The following STK32C variants were observed in gnomAD, a reference collection of about 807,000 sequenced individuals.
STK32C encodes serine/threonine-protein kinase 32C.
In STK32C, 31 loss-of-function variants were observed where a neutral mutation model predicts 56.5. The observed-to-expected ratio is 0.55, with a 90% CI of 0.41 to 0.74. The LOEUF (loss-of-function observed/expected upper bound fraction) is 0.74. Among genes scored for constraint, STK32C ranks in the 30% least tolerant of loss-of-function variants. The probability of loss-of-function intolerance (pLI) is 0.00; values close to 1 mark genes in which losing one functional copy is unlikely to be tolerated. For missense variants in STK32C, 544 were observed against 676.9 expected, an observed-to-expected ratio of 0.80 and a Z score of 2.18; for synonymous variants, 309 against 289.4, an observed-to-expected ratio of 1.07 and a Z score of -0.69.
chr10:132,233,959 G>A (rs1412553568), intron 2 of STK32C, among the ~76,000 whole-genome samples: 2 of 152,344 alleles, frequency 1.3e-5, no homozygotes, highest in Non-Finnish European at 2.9e-5. Flanking sequence ...CGCCGTCTGA[G>A]TCCTCGCCAC....
At chr10:132,295,651 C>T (rs539254235) in intron 1 of STK32C, among the ~76,000 whole-genome samples, 4 of 152,090 alleles carry the variant, frequency 2.6e-5, no homozygotes, top group Admixed American at 1.3e-4. Context: ...TTCGGGGGGC[C>T]GAGGAGGGCG....
At chr10:132,248,647 G>A (rs998161216) in intron 1 of STK32C, among the ~76,000 whole-genome samples, 4 of 152,220 alleles carry the variant, frequency 2.6e-5, no homozygotes, top group African/African-American at 4.8e-5. Flanking sequence ...GGTGGTCCAC[G>A]CCCACGTGCA....
intron 11 of STK32C, 59 bp downstream of exon 11, chr10:132,208,975 A>C: frequency 6.5e-7 from 1 of 1,549,056 alleles, no homozygotes; most frequent in Non-Finnish European, 8.9e-7. Flanking sequence ...GAAAACCTTA[A>C]CCTTAGCCCC....
chr10:132,324,261 G>C (rs1443408563), exon 2 of STK32C: 3 of 779,684 alleles, frequency 3.8e-6, no homozygotes, highest in Non-Finnish European at 7.2e-6. Flanking sequence ...ATGGGCCACA[G>C]AACACACCCC....
intron 1 of STK32C, among the ~76,000 whole-genome samples, chr10:132,328,668 T>C (rs1206633518): frequency 6.6e-6 from 1 of 152,218 alleles, no homozygotes; most frequent in Non-Finnish European, 1.5e-5. Flanking sequence ...AAGGACAGCT[T>C]AAAAGTTAGA....
chr10:132,221,328 ACAC>A (rs1362816542), intron 10 of STK32C, among the ~76,000 whole-genome samples: 10 of 150,510 alleles, frequency 6.6e-5, no homozygotes, highest in African/African-American at 2.2e-4. Context: ...GTCCCCACAC[ACAC>A]AACTGATGCT....
rs139770489 is a variant in STK32C at position 132,230,875 on chromosome 10, C to T, written c.319-2747G>A. ...TGCTCACGATGCAGCTCAGCTCTTA[C>T]GGGGGAATCTCTGGAAGAACACGCC... On this transcript the variant is annotated intron_variant, in intron 2 of 11. Coordinates refer to ENST00000298630, the MANE Select transcript of STK32C (RefSeq NM_173575.4). Among the ~76,000 whole-genome samples the T allele has an allele frequency of 2.0e-3, 303 of 152,336 alleles. 4 individuals are homozygous for T. Among genetic ancestry groups the T allele is most frequent in the Middle Eastern group, 0.01 (3 of 294 alleles).
intron 1 of STK32C, among the ~76,000 whole-genome samples, chr10:132,295,686 C>G (rs935323625): frequency 1.8e-4 from 28 of 152,140 alleles, no homozygotes; most frequent in Non-Finnish European, 3.8e-4. Context: ...GAGTTTGAGA[C>G]CAGCATGGCC....
chr10:132,231,832 G>A (rs1002946981), intron 2 of STK32C, among the ~76,000 whole-genome samples: 7 of 152,226 alleles, frequency 4.6e-5, no homozygotes, highest in African/African-American at 1.7e-4. Context: ...GGCAAGCTGA[G>A]GACACCACGA....
chr10:132,251,474 G>A (rs1349455338), intron 1 of STK32C, among the ~76,000 whole-genome samples: 4 of 152,124 alleles, frequency 2.6e-5, no homozygotes, highest in Admixed American at 2.6e-4. Flanking sequence ...AGCCTACTGT[G>A]AACGGCCGAG....
chr10:132,236,282 G>A lies in STK32C; in HGVS notation c.319-8154C>T, dbSNP rs187562814. 1.8e-4 allele frequency among the ~76,000 whole-genome samples: 27 copies of A among 152,348 alleles called. No individual in the cohort carries two copies. In the South Asian group the frequency reaches 4.6e-3, roughly 26 times the overall value. ...TGGGACCTGGGCTCTGGGCCCACGC[G>A]GAGGCCCGACTGCCCCGGAAATGGC... On this transcript the variant is annotated intron_variant, in intron 2 of 11. Coordinates refer to ENST00000298630, the MANE Select transcript of STK32C (RefSeq NM_173575.4).
chr10:132,272,887 T>A (rs1299133356), intron 1 of STK32C, among the ~76,000 whole-genome samples: 1 of 151,962 alleles, frequency 6.6e-6, no homozygotes, highest in African/African-American at 2.4e-5. Flanking sequence ...TCCTCCACCC[T>A]CCCTGTGCCT....
At chr10:132,296,557 G>A (rs1437223694) in intron 1 of STK32C, among the ~76,000 whole-genome samples, 7 of 152,188 alleles carry the variant, frequency 4.6e-5, no homozygotes, top group South Asian at 2.1e-4. Flanking sequence ...TTTCCAGTAC[G>A]AACTGGGAGG....
intron 1 of STK32C, among the ~76,000 whole-genome samples, chr10:132,298,813 C>T (rs1330529916): frequency 6.6e-6 from 1 of 152,096 alleles, no homozygotes; most frequent in Non-Finnish European, 1.5e-5. Flanking sequence ...TGGAAGTGGT[C>T]GCTCCAGTCC....
chr10:132,268,949 C>G lies in STK32C; in HGVS notation c.263-22994G>C, dbSNP rs541305430. Among the ~76,000 whole-genome samples the G allele has an allele frequency of 2.3e-4, 27 of 118,058 alleles. No homozygotes were observed. In the East Asian group the frequency reaches 5.5e-3, roughly 24 times the overall value. The allele number at this position is 118,058 out of a possible 152,430, so 77.5% of individuals were successfully genotyped here. ...GCTCTATGCCTGTGTGCATGCATGTCTCACATCGTGTGTGTGTGTGTGTCG... is the reference window on the plus strand; with the variant it reads ...GCTCTATGCCTGTGTGCATGCATGTGTCACATCGTGTGTGTGTGTGTGTCG... On this transcript the variant is annotated intron_variant, in intron 1 of 11. Coordinates refer to ENST00000298630, the MANE Select transcript of STK32C (RefSeq NM_173575.4).
At chr10:132,242,194 G>A (rs148428529) in intron 2 of STK32C, among the ~76,000 whole-genome samples, 2 of 152,294 alleles carry the variant, frequency 1.3e-5, no homozygotes, top group East Asian at 1.9e-4. Context: ...AGTGCTGGGT[G>A]CAGACGGCCT....
intron 1 of STK32C, among the ~76,000 whole-genome samples, chr10:132,264,043 G>A (rs558983035): frequency 1.3e-5 from 2 of 152,272 alleles, no homozygotes; most frequent in East Asian, 1.9e-4. Context: ...CACGACCCAG[G>A]GACAGAAGGC....
At chr10:132,269,005 A>C (rs1245063143) in intron 1 of STK32C, among the ~76,000 whole-genome samples, 1 of 140,460 alleles carries the variant, frequency 7.1e-6, no homozygotes, top group East Asian at 2.2e-4. Flanking sequence ...ATGCAGGTTC[A>C]GCTCTATGCC....
intron 2 of STK32C, among the ~76,000 whole-genome samples, chr10:132,244,882 G>A (rs1039015700): frequency 1.3e-5 from 2 of 152,284 alleles, no homozygotes; most frequent in Middle Eastern, 3.4e-3. Context: ...ACCTCACCTC[G>A]ATGGTCAACC....
Sources: gnomAD v4.1 joint callset for allele counts (sites outside exome capture counted in the v4.1 genomes callset) on GRCh38, gnomAD v4.1.1 for gene constraint, MANE v1.5 for transcripts, NCBI Gene and HGNC (gene_info 2026-07-23, HGNC 2026-07-21) for gene names.